Variants in ROR2 observed in about 807,000 individuals in gnomAD.
The protein encoded by ROR2 is ROR family WNT receptor 2, also known as tyrosine-protein kinase transmembrane receptor ROR2.
ROR2 carries 33 observed loss-of-function variants against 74.9 expected under a neutral mutation model. The ratio of observed to expected loss-of-function variants is 0.44; its 90% CI spans 0.33 to 0.59. The LOEUF is 0.59. Ranked by LOEUF, ROR2 falls within the 20% of genes least tolerant of loss-of-function variation. ROR2 has a pLI of 0.02. For missense variants in ROR2, 1,216 were observed against 1,313.8 expected (o/e 0.93, Z 1.15); for synonymous variants, 586 against 558.7 (o/e 1.05, Z -0.69).
chr9:91,944,055 G>C (rs1411947034), intron 1 of ROR2, among the ~76,000 whole-genome samples: 1 of 152,110 alleles, frequency 6.6e-6, no homozygotes, highest in African/African-American at 2.4e-5. Context: ...CAACGATGAC[G>C]ATACATTCTG....
intron 1 of ROR2, among the ~76,000 whole-genome samples, chr9:91,803,326 T>C (rs527328109): frequency 1.3e-5 from 2 of 152,326 alleles, no homozygotes; most frequent in African/African-American, 4.8e-5. Context: ...GCTATGTGAA[T>C]CACTTCTGTG....
At chr9:91,949,601 C>T (rs1209927678) in intron 1 of ROR2, among the ~76,000 whole-genome samples, 1 of 151,602 alleles carries the variant, frequency 6.6e-6, no homozygotes, top group Admixed American at 6.6e-5. Flanking sequence ...GAAGCGCCAC[C>T]GAGAGGCTCC....
At chr9:91,904,882 C>G (rs555020926) in intron 1 of ROR2, among the ~76,000 whole-genome samples, 2 of 152,102 alleles carry the variant, frequency 1.3e-5, no homozygotes, top group Admixed American at 1.3e-4. Flanking sequence ...GGGACGGCTC[C>G]AAGGTGCACA....
chr9:91,849,452 C>T (rs1008236841), intron 1 of ROR2, among the ~76,000 whole-genome samples: 5 of 152,180 alleles, frequency 3.3e-5, no homozygotes, highest in African/African-American at 9.7e-5. Context: ...ACTAACACTT[C>T]CAAGGAAGCC....
chr9:91,942,054 G>C (rs1440333178), intron 1 of ROR2, among the ~76,000 whole-genome samples: 2 of 152,164 alleles, frequency 1.3e-5, no homozygotes. Context: ...CTCCCAAAGT[G>C]CTAGGATTAC....
chr9:91,950,005 C>A lies in ROR2; in HGVS notation c.-42G>T. ...GCCGGGAAGCCCTCAGAGCTTCGGG[C>A]CGGGGCGCGGGGTCGGGCGCCACCA... On this transcript the variant is annotated 5_prime_UTR_variant, in exon 1 of 9. Transcript: ENST00000375708. 2 of 1,141,878 alleles carry A rather than the reference C, an allele frequency of 1.8e-6. No individual in the cohort carries two copies. Among genetic ancestry groups the A allele is most frequent in the African/African-American group, 1.7e-5 (1 of 60,470 alleles). The allele number at this position is 1,141,878 out of a possible 1,614,324, so 70.7% of individuals were successfully genotyped here.
chr9:91,754,152 T>G (rs1825669126), intron 4 of ROR2, among the ~76,000 whole-genome samples: 1 of 151,950 alleles, frequency 6.6e-6, no homozygotes, highest in Non-Finnish European at 1.5e-5. Flanking sequence ...AATCCATAAC[T>G]TAAAGTGAGA....
At chr9:91,908,462 T>C (rs2119441941) in intron 1 of ROR2, among the ~76,000 whole-genome samples, 1 of 152,352 alleles carries the variant, frequency 6.6e-6, no homozygotes, top group Middle Eastern at 3.4e-3. Context: ...TAGCACTTTC[T>C]GCAAGTCAAG....
chr9:91,842,400 G>A (rs1168199636), intron 1 of ROR2, among the ~76,000 whole-genome samples: 3 of 152,166 alleles, frequency 2.0e-5, no homozygotes, highest in East Asian at 1.9e-4. Context: ...TCATTATCCC[G>A]ATTATCAGCT....
intron 2 of ROR2, among the ~76,000 whole-genome samples, chr9:91,762,826 T>A (rs540895992): frequency 6.6e-6 from 1 of 152,354 alleles, no homozygotes; most frequent in Non-Finnish European, 1.5e-5. Flanking sequence ...AATTTCCTTA[T>A]CCATTTCCCA....
intron 2 of ROR2, among the ~76,000 whole-genome samples, chr9:91,764,589 A>AC (rs1394149713): frequency 6.9e-6 from 1 of 145,392 alleles, no homozygotes; most frequent in Non-Finnish European, 1.5e-5. Flanking sequence ...CACACACACC[A>AC]CACACATTGA....
At chr9:91,829,224 G>A (rs898788455) in intron 1 of ROR2, among the ~76,000 whole-genome samples, 1 of 152,204 alleles carries the variant, frequency 6.6e-6, no homozygotes, top group African/African-American at 2.4e-5. Flanking sequence ...CTTCTCAGAA[G>A]TGTATGGGCA....
At chr9:91,785,605 T>C (rs1826770274) in intron 1 of ROR2, among the ~76,000 whole-genome samples, 1 of 152,238 alleles carries the variant, frequency 6.6e-6, no homozygotes, top group East Asian at 1.9e-4. Context: ...AGTCTCTGAG[T>C]TTTGGCTCAC....
intron 1 of ROR2, among the ~76,000 whole-genome samples, chr9:91,938,073 T>A (rs10992176): frequency 0.07 from 10,681 of 152,160 alleles, 672 homozygotes; most frequent in East Asian, 0.24. Flanking sequence ...AATAAGTAAA[T>A]AAACAACTTC....
chr9:91,853,943 A>G (rs1230913688), intron 1 of ROR2, among the ~76,000 whole-genome samples: 1 of 152,190 alleles, frequency 6.6e-6, no homozygotes, highest in East Asian at 1.9e-4. Flanking sequence ...TAATATTTCC[A>G]TCATAGATTG....
chr9:91,819,182 G>A (rs866373340), intron 1 of ROR2, among the ~76,000 whole-genome samples: 27 of 152,112 alleles, frequency 1.8e-4, no homozygotes, highest in African/African-American at 6.3e-4. Context: ...GGGAGCTGGC[G>A]GGCAATGAGG....
intron 1 of ROR2, among the ~76,000 whole-genome samples, chr9:91,810,787 A>G (rs924363144): frequency 2.6e-5 from 4 of 152,156 alleles, no homozygotes; most frequent in African/African-American, 9.7e-5. Context: ...ATCCCAGTGG[A>G]GTCTACGTTT....
Position 91,722,621 on chromosome 9 carries a change from G to A in ROR2, c.*1041C>T, listed in dbSNP as rs1371334915. The A allele has an allele frequency of 1.3e-6, 1 of 779,858 alleles. No homozygotes were observed. The highest frequency in any genetic ancestry group is 2.4e-6 in the Non-Finnish European group (1 of 417,966). The allele number at this position is 779,858 out of a possible 1,614,324, so 48.3% of individuals were successfully genotyped here. ...TCACATGCTTTGTTTCACTTTATTG[G>A]ATACACCGGGTGTGGGATTTACAAA... is the stretch of plus-strand genomic sequence containing the variant. On this transcript the variant is annotated 3_prime_UTR_variant, in exon 9 of 9. Coordinates refer to ENST00000375708, the MANE Select transcript of ROR2 (RefSeq NM_004560.4).
Position 91,949,906 on chromosome 9 carries a change from C to T in ROR2, c.58G>A (p.Ala20Thr). The T allele has an allele frequency of 6.5e-7, 1 of 1,539,942 alleles. No homozygotes were observed. The highest frequency in any genetic ancestry group is 8.8e-7 in the Non-Finnish European group (1 of 1,142,818). Reference protein sequence around the residue: ...RPLLCIPAVWAAAALLLSVSR... With the variant: ...RPLLCIPAVWTAAALLLSVSR... ...ACTGAGAGCAGAAGCGCGGCGGCCGCCCAGACGGCCGGGATGCACAGCAGC... is the reference window on the plus strand; with the variant it reads ...ACTGAGAGCAGAAGCGCGGCGGCCGTCCAGACGGCCGGGATGCACAGCAGC... Residue 20 changes from alanine to threonine, a missense_variant, in exon 1 of 9, where the codon GCG becomes ACG. Transcript: ENST00000375708.
Sources: gnomAD v4.1 joint callset for allele counts (sites outside exome capture counted in the v4.1 genomes callset) on GRCh38, gnomAD v4.1.1 for gene constraint, MANE v1.5 for transcripts, NCBI Gene and HGNC (gene_info 2026-07-23, HGNC 2026-07-21) for gene names.